The following JMY variants were observed in gnomAD, a reference collection of about 807,000 sequenced individuals.
JMY encodes junction mediating and regulatory protein, p53 cofactor, also known as junction-mediating and -regulatory protein.
A neutral mutation model predicts 103.3 loss-of-function variants in JMY; 46 were observed. That is an observed-to-expected ratio of 0.45 (90% confidence interval 0.35 to 0.57). JMY has a LOEUF of 0.57. Ranked by LOEUF, JMY falls within the 20% of genes least tolerant of loss-of-function variation. The pLI is 0.00. For synonymous variants in JMY, 526 were observed against 489.3 expected (o/e 1.07, Z -0.99); for missense variants, 1,238 against 1,255.2 (o/e 0.99, Z 0.21).
chr5:79,242,293 C>G (rs1472999420), intron 1 of JMY, among the ~76,000 whole-genome samples: 1 of 152,100 alleles, frequency 6.6e-6, no homozygotes, highest in Non-Finnish European at 1.5e-5. Context: ...GTTATTTAAC[C>G]TCTTTTAAAA....
rs368611919 is a variant in JMY at position 79,314,913 on chromosome 5, A to G, written c.2659+62A>G. 3.1e-5 allele frequency: 44 copies of G among 1,436,490 alleles called. 2 individuals carry two copies. Among genetic ancestry groups the G allele is most frequent in the Admixed American group, 2.5e-4 (10 of 40,458 alleles). 89.0% of individuals were successfully genotyped at this position (1,436,490 alleles called of 1,614,324 possible). On this transcript the variant is annotated intron_variant, in intron 9 of 10. Coordinates refer to ENST00000396137, the MANE Select transcript of JMY (RefSeq NM_152405.5). ...GACATCAGGCATAGTAAAAAACTAT[A>G]TTTTTTGACGTTGCAAAGCTTAAAA...
chr5:79,274,199 T>C (rs1307277677), intron 1 of JMY, among the ~76,000 whole-genome samples: 1 of 152,192 alleles, frequency 6.6e-6, no homozygotes, highest in Admixed American at 6.5e-5. Context: ...ATTAGAACCA[T>C]ACTCTATACC....
intron 6 of JMY, among the ~76,000 whole-genome samples, 195 bp from the exon 7 acceptor site, chr5:79,306,180 C>T (rs763446434): frequency 6.6e-6 from 1 of 152,174 alleles, no homozygotes; most frequent in Non-Finnish European, 1.5e-5. Context: ...TTAATAGTTT[C>T]ATAGAGGAGT....
chr5:79,247,648 GTTTATTTA>G (rs577008559), intron 1 of JMY, among the ~76,000 whole-genome samples: 1 of 150,692 alleles, frequency 6.6e-6, no homozygotes, highest in South Asian at 2.1e-4. Context: ...TTTTTATTTT[GTTTATTTA>G]TTTATTTATT....
At chr5:79,286,715 G>A (rs897055427) in intron 2 of JMY, among the ~76,000 whole-genome samples, 1 of 151,964 alleles carries the variant, frequency 6.6e-6, no homozygotes, top group African/African-American at 2.4e-5. Flanking sequence ...AACCATGCAA[G>A]TAAGAATGAT....
At chr5:79,253,970 C>CA (rs1331332808) in intron 1 of JMY, among the ~76,000 whole-genome samples, 38 of 138,448 alleles carry the variant, frequency 2.7e-4, no homozygotes, top group African/African-American at 9.4e-4. Flanking sequence ...TTTTTAAAGA[C>CA]AGAGTCTTGC....
At chr5:79,248,298 AG>A (rs1401530210) in intron 1 of JMY, among the ~76,000 whole-genome samples, 1 of 151,004 alleles carries the variant, frequency 6.6e-6, no homozygotes, top group Non-Finnish European at 1.5e-5. Flanking sequence ...CATTGAATTT[AG>A]TCTTGTACTT....
intron 1 of JMY, among the ~76,000 whole-genome samples, chr5:79,271,106 C>A (rs145251723): frequency 1.3e-5 from 2 of 151,876 alleles, no homozygotes; most frequent in African/African-American, 2.4e-5. Flanking sequence ...TGCTGTGTTG[C>A]CCAGGCTGGA....
intron 1 of JMY, among the ~76,000 whole-genome samples, chr5:79,265,432 C>T (rs1268430751): frequency 1.3e-5 from 2 of 152,150 alleles, no homozygotes; most frequent in Admixed American, 1.3e-4. Context: ...TTCAGAGTCC[C>T]ATTCTGCAGA....
At chr5:79,272,583 C>A (rs150075721) in intron 1 of JMY, among the ~76,000 whole-genome samples, 266 of 151,972 alleles carry the variant, frequency 1.8e-3, no homozygotes, top group African/African-American at 5.5e-3. Flanking sequence ...AATTATTATT[C>A]TTTTAGTGGT....
At chr5:79,264,551 G>T (rs1302567209) in intron 1 of JMY, among the ~76,000 whole-genome samples, 1 of 152,062 alleles carries the variant, frequency 6.6e-6, no homozygotes, top group Non-Finnish European at 1.5e-5. Flanking sequence ...CATAAATCAT[G>T]ATTTTTAAAA....
intron 1 of JMY, among the ~76,000 whole-genome samples, chr5:79,271,382 C>T (rs760586297): frequency 1.5e-4 from 23 of 151,994 alleles, no homozygotes; most frequent in African/African-American, 4.6e-4. Flanking sequence ...TTAGGCTAAA[C>T]CTGGCCTCAC....
In JMY at chr5:79,324,575, A is replaced by C. The variant is rs1031957055; in HGVS notation, c.*2973A>C. On this transcript the variant is annotated 3_prime_UTR_variant, in exon 11 of 11. Transcript: ENST00000396137. ...GGCTCCTAATGCAACCAAAATTATAACCAATGTAGCATGTGTAGGAAAGGT... is the reference window on the plus strand; with the variant it reads ...GGCTCCTAATGCAACCAAAATTATACCCAATGTAGCATGTGTAGGAAAGGT... 1 of 152,250 alleles carries C rather than the reference A, an allele frequency of 6.6e-6. No individual in the cohort carries two copies. The highest frequency in any genetic ancestry group is 1.5e-5 in the Non-Finnish European group (1 of 68,024). 9.4% of individuals were successfully genotyped at this position (152,250 alleles called of 1,614,324 possible).
At chr5:79,246,631 C>T (rs1260278193) in intron 1 of JMY, among the ~76,000 whole-genome samples, 1 of 152,090 alleles carries the variant, frequency 6.6e-6, no homozygotes, top group Non-Finnish European at 1.5e-5. Context: ...GCCTGTAATC[C>T]CAGCACTTTG....
chr5:79,263,280 T>G (rs992402558), intron 1 of JMY, among the ~76,000 whole-genome samples: 9 of 152,214 alleles, frequency 5.9e-5, no homozygotes, highest in African/African-American at 2.2e-4. Context: ...AGGAAGAGGC[T>G]GAGGCACAAA....
intron 7 of JMY, among the ~76,000 whole-genome samples, chr5:79,310,736 T>C (rs751471660): frequency 1.3e-5 from 2 of 152,256 alleles, no homozygotes; most frequent in Non-Finnish European, 2.9e-5. Context: ...GGATTACTTA[T>C]TAATACTACT....
intron 2 of JMY, among the ~76,000 whole-genome samples, chr5:79,278,482 T>G (rs1295527043): frequency 1.4e-5 from 2 of 146,266 alleles, no homozygotes; most frequent in African/African-American, 5.1e-5. Flanking sequence ...CTGAGCGTGG[T>G]GCCTCACACC....
At chr5:79,298,347 A>T (rs565221064) in intron 4 of JMY, among the ~76,000 whole-genome samples, 2 of 152,240 alleles carry the variant, frequency 1.3e-5, no homozygotes, top group Admixed American at 1.3e-4. Context: ...GGTAATAGAG[A>T]GTGTGGGTGC....
At chr5:79,276,098 T>G (rs1471494776) in intron 1 of JMY, among the ~76,000 whole-genome samples, 1 of 152,148 alleles carries the variant, frequency 6.6e-6, no homozygotes, top group Non-Finnish European at 1.5e-5. Context: ...CTGTATTAGT[T>G]CTTTTCATTT....
Sources: gnomAD v4.1 joint callset for allele counts (sites outside exome capture counted in the v4.1 genomes callset) on GRCh38, gnomAD v4.1.1 for gene constraint, MANE v1.5 for transcripts, NCBI Gene and HGNC (gene_info 2026-07-23, HGNC 2026-07-21) for gene names.